Variants in ATRN observed in about 807,000 individuals in gnomAD.
ATRN encodes attractin.
In ATRN, 54 loss-of-function variants were observed where a neutral mutation model predicts 178.7. That is an observed-to-expected ratio of 0.30 (90% CI 0.24 to 0.38). The LOEUF is 0.38. Among genes scored for constraint, ATRN ranks in the 10% least tolerant of loss-of-function variants. The pLI is 1.00. For missense variants in ATRN, 1,443 were observed against 1,815.1 expected, an observed-to-expected ratio of 0.79 and a Z score of 3.73; for synonymous variants, 636 against 663.0, an observed-to-expected ratio of 0.96 and a Z score of 0.63.
At chr20:3,529,563 G>T (rs977306853) in intron 1 of ATRN, among the ~76,000 whole-genome samples, 2 of 152,178 alleles carry the variant, frequency 1.3e-5, no homozygotes, top group Admixed American at 1.3e-4. Flanking sequence ...AGACACAAAA[G>T]TGTCTTTGAT....
At chr20:3,543,772 C>T (rs150754118) in intron 3 of ATRN, among the ~76,000 whole-genome samples, 4 of 151,678 alleles carry the variant, frequency 2.6e-5, no homozygotes, top group Non-Finnish European at 4.4e-5. Context: ...GTGGCTCAGG[C>T]CTGTAACCCC....
At chr20:3,500,569 A>G (rs893953924) in intron 1 of ATRN, among the ~76,000 whole-genome samples, 5 of 151,590 alleles carry the variant, frequency 3.3e-5, no homozygotes, top group African/African-American at 1.2e-4. Flanking sequence ...CATCATTCTC[A>G]GTAAACTATC....
Position 3,549,254 on chromosome 20 carries a change from C to T in ATRN, c.1028C>T (p.Ser343Phe), listed in dbSNP as rs2085753689. The change falls in exon 6 of 29, where the codon TCT becomes TTT. Residue 343 changes from serine (S) to phenylalanine (F), a missense_variant. Coordinates refer to ENST00000262919, the MANE Select transcript of ATRN (RefSeq NM_139321.3). The stretch of plus-strand genomic sequence containing the variant: ...TCTAACTTAAAGCTCCCCAGAGCAT[C>T]TCATAAAGCTGTGGTCAATGGAAAC... Reference protein sequence around the residue: ...EYSNLKLPRASHKAVVNGNIM... With the variant: ...EYSNLKLPRAFHKAVVNGNIM... 3 of 1,610,522 alleles carry T rather than the reference C, an allele frequency of 1.9e-6. No homozygotes were observed. The highest frequency in any genetic ancestry group is 2.7e-5 in the African/African-American group (2 of 74,788).
intron 2 of ATRN, among the ~76,000 whole-genome samples, chr20:3,539,666 C>T (rs1236362518): frequency 6.6e-6 from 1 of 152,008 alleles, no homozygotes; most frequent in African/African-American, 2.4e-5. Context: ...GAGCAGAGAC[C>T]ATTGCTGGAA....
At chr20:3,586,235 G>A (rs1353216348) in intron 18 of ATRN, among the ~76,000 whole-genome samples, 4 of 152,200 alleles carry the variant, frequency 2.6e-5, no homozygotes, top group African/African-American at 4.8e-5. Context: ...TTCATACAGT[G>A]TAATGTTATT....
At chr20:3,598,045 G>T in intron 22 of ATRN, 45 bp downstream of exon 22, 2 of 1,310,716 alleles carry the variant, frequency 1.5e-6, no homozygotes, top group African/African-American at 1.5e-5. Context: ...AATTTGTATG[G>T]ATCTTTTTCT....
intron 24 of ATRN, among the ~76,000 whole-genome samples, chr20:3,618,555 A>G (rs1025987955): frequency 6.6e-6 from 1 of 152,230 alleles, no homozygotes; most frequent in African/African-American, 2.4e-5. Context: ...GAGAATGGTC[A>G]AAAGGAATTG....
intron 6 of ATRN, among the ~76,000 whole-genome samples, chr20:3,552,323 A>G (rs1439756610): frequency 6.6e-6 from 1 of 152,040 alleles, no homozygotes; most frequent in Non-Finnish European, 1.5e-5. Context: ...CTGATCCCCT[A>G]TCTCCAGCTC....
chr20:3,477,243 T>C (rs1234978665), intron 1 of ATRN, among the ~76,000 whole-genome samples: 2 of 82,746 alleles, frequency 2.4e-5, no homozygotes, highest in East Asian at 5.4e-4. Context: ...CCCAGTGCAA[T>C]GTAAGTTCCA....
intron 1 of ATRN, among the ~76,000 whole-genome samples, chr20:3,500,126 A>G (rs913864907): frequency 2.0e-5 from 3 of 152,318 alleles, no homozygotes; most frequent in African/African-American, 7.2e-5. Flanking sequence ...AATCAAAACC[A>G]CAATGAGATA....
intron 2 of ATRN, among the ~76,000 whole-genome samples, chr20:3,535,830 A>G (rs901262248): frequency 2.0e-5 from 3 of 152,074 alleles, no homozygotes; most frequent in Non-Finnish European, 4.4e-5. Flanking sequence ...GGGTTTCACC[A>G]TGTTAACCAG....
intron 13 of ATRN, among the ~76,000 whole-genome samples, 168 bp from the exon 14 acceptor site, chr20:3,576,691 G>GTCTATCTATCTATCTA (rs879152299): frequency 3.3e-3 from 187 of 55,924 alleles, no homozygotes; most frequent in Non-Finnish European, 3.2e-3. Context: ...CTGTCTGTCT[G>GTCTATCTATCTATCTA]TCTGTCTATC....
chr20:3,527,410 A>G (rs2146163601), intron 1 of ATRN, among the ~76,000 whole-genome samples: 1 of 152,346 alleles, frequency 6.6e-6, no homozygotes, highest in South Asian at 2.1e-4. Flanking sequence ...TGATCATTAA[A>G]AAGGCAGGAA....
At chr20:3,474,792 G>A (rs2084496335) in intron 1 of ATRN, among the ~76,000 whole-genome samples, 1 of 152,072 alleles carries the variant, frequency 6.6e-6, no homozygotes, top group Admixed American at 6.6e-5. Context: ...CCAGCACTTT[G>A]GGAGGCTGAG....
intron 1 of ATRN, among the ~76,000 whole-genome samples, chr20:3,503,480 G>A (rs2084991977): frequency 6.6e-6 from 1 of 151,448 alleles, no homozygotes; most frequent in African/African-American, 2.4e-5. Flanking sequence ...AAATTATCCT[G>A]AAACAAAAGA....
chr20:3,494,060 C>T (rs1221646741), intron 1 of ATRN, among the ~76,000 whole-genome samples: 2 of 152,242 alleles, frequency 1.3e-5, no homozygotes, highest in Admixed American at 6.5e-5. Flanking sequence ...GATAAGTTTA[C>T]CACGGAGAAG....
Position 3,559,483 on chromosome 20 carries a change from G to A in ATRN, c.1203G>A (p.Lys401=). The A allele has an allele frequency of 1.2e-6, 2 of 1,610,502 alleles. No individual in the cohort carries two copies. Among genetic ancestry groups the A allele is most frequent in the Non-Finnish European group, 1.7e-6 (2 of 1,176,860 alleles). The change falls in exon 7 of 29, where the codon AAG becomes AAA. Residue 401 remains lysine (K), a splice_region_variant and synonymous_variant. Transcript: ENST00000262919. ...VRYGHSLALY[K]DKIYMYGGKI... ...ATGGTCATTCTTTGGCATTATACAA[G>A]GTAAAGCATCTCCACTCTGTGCTAA...
At position 3,563,266 on chromosome 20, in the gene ATRN, T is replaced by C. The variant is rs1296868853; in HGVS notation, c.1689T>C (p.Ser563=). 2 of 1,614,118 alleles carry C rather than the reference T, an allele frequency of 1.2e-6. No homozygotes were observed. The highest frequency in any genetic ancestry group is 1.7e-6 in the Non-Finnish European group (2 of 1,179,990). ...ACTTGCACACAGCTGTGATAGTGAG[T>C]GGAACCATGCTGGTGTTTGGAGGAA... ...FRYLHTAVIV[S]GTMLVFGGNT... Residue 563 remains serine, a synonymous_variant, in exon 10 of 29, where the codon AGT becomes AGC. Coordinates refer to ENST00000262919, the MANE Select transcript of ATRN (RefSeq NM_139321.3).
chr20:3,629,364 C>T (rs934718456), intron 25 of ATRN: 21 of 928,746 alleles, frequency 2.3e-5, no homozygotes, highest in Admixed American at 6.2e-5. Flanking sequence ...CCAGGACCAT[C>T]TCCTATGTCT....
Sources: allele counts gnomAD v4.1 joint callset (sites outside exome capture counted in the v4.1 genomes callset), GRCh38; gene constraint gnomAD v4.1.1; transcripts MANE v1.5; gene names NCBI Gene and HGNC (gene_info 2026-07-23, HGNC 2026-07-21).